Variants in PRKN observed in about 807,000 individuals in gnomAD.
PRKN encodes the protein parkin RBR E3 ubiquitin protein ligase.
A neutral mutation model predicts 59.5 loss-of-function variants in PRKN; 56 were observed. The ratio of observed to expected loss-of-function variants is 0.94; its 90% confidence interval spans 0.76 to 1.18. The LOEUF is 1.18. PRKN is among the 50% of genes most tolerant of loss of function. PRKN has a pLI of 0.00. For synonymous variants in PRKN, 250 were observed against 222.1 expected (o/e 1.13, Z -1.12); for missense variants, 657 against 596.4 (o/e 1.10, Z -1.06).
In PRKN at chr6:161,488,639, C is replaced by T. The variant is rs1178649675; in HGVS notation, c.1083+60215G>A. On this transcript the variant is annotated intron_variant, in intron 9 of 11. Transcript: ENST00000366898. The surrounding 1 kb of genome is among the most constrained non-coding windows in gnomAD (Gnocchi z 4.5). ...TAGGTGGGACTAAAGGCATGCACCACCACACCTGGCTAATTTTTAAAATTT... is the reference window on the plus strand; with the variant it reads ...TAGGTGGGACTAAAGGCATGCACCATCACACCTGGCTAATTTTTAAAATTT... Among the ~76,000 whole-genome samples the T allele has an allele frequency of 2.0e-5, 3 of 152,150 alleles. No individual in the cohort carries two copies. Among genetic ancestry groups the T allele is most frequent in the African/African-American group, 7.2e-5 (3 of 41,426 alleles).
chr6:162,166,648 T>G (rs1411123059), intron 4 of PRKN, among the ~76,000 whole-genome samples: 1 of 152,130 alleles, frequency 6.6e-6, no homozygotes, highest in African/African-American at 2.4e-5. Context: ...TCTTCAAAAA[T>G]GAGACGAATT....
At chr6:162,465,984 C>T (rs944744759) in intron 1 of PRKN, among the ~76,000 whole-genome samples, 2 of 152,036 alleles carry the variant, frequency 1.3e-5, no homozygotes, top group East Asian at 1.9e-4. Context: ...TTTCTTAAGA[C>T]GACAACTCCA....
At chr6:161,807,979 A>C (rs1342138209) in intron 6 of PRKN, among the ~76,000 whole-genome samples, 1 of 152,164 alleles carries the variant, frequency 6.6e-6, no homozygotes, top group Non-Finnish European at 1.5e-5. Context: ...AATTGTGCTG[A>C]AGTGATATGT....
At position 162,194,453 on chromosome 6, in the gene PRKN, G is replaced by A. The variant is rs137948577; in HGVS notation, c.534+6678C>T. Among the ~76,000 whole-genome samples, 287 of 152,210 alleles carry A rather than the reference G, an allele frequency of 1.9e-3. 1 individual carries two copies. The highest frequency in any genetic ancestry group is 6.6e-3 in the African/African-American group (276 of 41,550). On this transcript the variant is annotated intron_variant, in intron 4 of 11. Transcript: ENST00000366898. Reference sequence around the variant, plus strand: ...AGAACATTTACGGGTTTGAAACCCAGGCATGAATTATCAAAATGAGTCTCA... The same window carrying A: ...AGAACATTTACGGGTTTGAAACCCAAGCATGAATTATCAAAATGAGTCTCA...
intron 6 of PRKN, among the ~76,000 whole-genome samples, chr6:161,791,953 T>C (rs974122301): frequency 2.0e-5 from 3 of 152,198 alleles, no homozygotes; most frequent in African/African-American, 7.2e-5. Context: ...TCTGTGCTCT[T>C]ACAGATCACT....
At chr6:162,247,935 AACT>A (rs1779264928) in intron 3 of PRKN, among the ~76,000 whole-genome samples, 1 of 152,180 alleles carries the variant, frequency 6.6e-6, no homozygotes, top group African/African-American at 2.4e-5. Flanking sequence ...CTACTCTGAC[AACT>A]ACTTTAATTT....
Position 162,380,435 on chromosome 6 carries a change from A to G in PRKN, c.171+62875T>C, listed in dbSNP as rs548084103. ...TATACACACATATATATATGTGTGT[A>G]TATATATATATGTATATATACACAC... On this transcript the variant is annotated intron_variant, in intron 2 of 11. Transcript: ENST00000366898. Among the ~76,000 whole-genome samples the G allele has an allele frequency of 2.3e-3, 242 of 105,646 alleles. 3 individuals are homozygous for G. In the Middle Eastern group the frequency reaches 0.032, roughly 14 times the overall value. 69.3% of individuals were successfully genotyped at this position (105,646 alleles called of 152,430 possible). A position where few individuals can be genotyped will look rare whatever the true frequency, so the allele number is the denominator to read the frequency against.
intron 7 of PRKN, among the ~76,000 whole-genome samples, chr6:161,770,076 A>C (rs1186858601): frequency 6.6e-6 from 1 of 152,108 alleles, no homozygotes; most frequent in Admixed American, 6.5e-5. Flanking sequence ...AGTTAGGAGG[A>C]TCCATCCTGA....
chr6:162,662,829 T>A (rs1351308263), intron 1 of PRKN, among the ~76,000 whole-genome samples: 1 of 152,190 alleles, frequency 6.6e-6, no homozygotes, highest in East Asian at 1.9e-4. Flanking sequence ...ACTATAGCTT[T>A]GTGGTATAAT....
intron 1 of PRKN, among the ~76,000 whole-genome samples, chr6:162,519,697 C>T (rs1778009676): frequency 6.6e-6 from 1 of 152,058 alleles, no homozygotes; most frequent in Non-Finnish European, 1.5e-5. Flanking sequence ...ATAAATGGCA[C>T]TTAGTCCAAA....
chr6:161,613,846 T>C (rs1562559967), intron 7 of PRKN, among the ~76,000 whole-genome samples: 1 of 152,210 alleles, frequency 6.6e-6, no homozygotes, highest in South Asian at 2.1e-4. Flanking sequence ...ATTTATCTCA[T>C]AGTTTCTGTG....
At position 161,545,041 on chromosome 6, in the gene PRKN, C is replaced by A; in HGVS notation, c.1083+3813G>T. ...GGTGAAATGACTAGAAGATTAGAAT[C>A]CTCTGGAGCCCAGAGCTCAACACAT... On this transcript the variant is annotated intron_variant, in intron 9 of 11. Coordinates refer to ENST00000366898, the MANE Select transcript of PRKN (RefSeq NM_004562.3). The surrounding 1 kb of genome is among the most constrained non-coding windows in gnomAD (Gnocchi z 4.1). 5.8e-6 allele frequency: 3 copies of A among 517,730 alleles called. No homozygotes were observed. Among genetic ancestry groups the A allele is most frequent in the Non-Finnish European group, 7.9e-6 (3 of 377,418 alleles). 32.1% of individuals were successfully genotyped at this position (517,730 alleles called of 1,614,324 possible). A position where few individuals can be genotyped will look rare whatever the true frequency, so the allele number is the denominator to read the frequency against.
intron 10 of PRKN, among the ~76,000 whole-genome samples, chr6:161,383,168 C>T (rs1311388990): frequency 6.6e-6 from 1 of 152,200 alleles, no homozygotes; most frequent in African/African-American, 2.4e-5. Flanking sequence ...CAGAGGTCAT[C>T]CTCCTGGAGA....
chr6:162,083,470 C>T (rs1007852840), intron 4 of PRKN, among the ~76,000 whole-genome samples: 1 of 151,954 alleles, frequency 6.6e-6, no homozygotes, highest in African/African-American at 2.4e-5. Context: ...AAGTGAGGTG[C>T]GCCTGTACTG....
chr6:162,149,972 AC>A (rs1468591930), intron 4 of PRKN, among the ~76,000 whole-genome samples: 1 of 152,180 alleles, frequency 6.6e-6, no homozygotes, highest in Non-Finnish European at 1.5e-5. Flanking sequence ...TAAAGACTCT[AC>A]ATTCCTGCAT....
At chr6:162,202,171 T>C (rs574368835) in intron 3 of PRKN, among the ~76,000 whole-genome samples, 1 of 152,182 alleles carries the variant, frequency 6.6e-6, no homozygotes, top group Non-Finnish European at 1.5e-5. Flanking sequence ...GAAATTTTAC[T>C]ATGATCATCA....
chr6:161,523,855 T>C (rs1778924695), intron 9 of PRKN, among the ~76,000 whole-genome samples: 1 of 152,114 alleles, frequency 6.6e-6, no homozygotes, highest in Non-Finnish European at 1.5e-5. Context: ...AAGCAAACCA[T>C]TTTTCAAAAT....
At chr6:162,405,581 T>C (rs753117270) in intron 2 of PRKN, among the ~76,000 whole-genome samples, 2 of 152,152 alleles carry the variant, frequency 1.3e-5, no homozygotes, top group African/African-American at 2.4e-5. Context: ...TAAACTCAGA[T>C]ACCTCAGAAT....
intron 2 of PRKN, among the ~76,000 whole-genome samples, chr6:162,276,698 TG>T (rs1780650931): frequency 6.8e-6 from 1 of 147,352 alleles, no homozygotes; most frequent in Non-Finnish European, 1.5e-5. Flanking sequence ...CTGGTGTGTG[TG>T]TGTGTGTCTG....
Sources: allele counts gnomAD v4.1 joint callset (sites outside exome capture counted in the v4.1 genomes callset), GRCh38; gene constraint gnomAD v4.1.1; non-coding constraint Gnocchi (gnomAD v3.1); transcripts MANE v1.5; gene names NCBI Gene and HGNC (gene_info 2026-07-23, HGNC 2026-07-21).